Variants in WDFY3 observed in about 807,000 individuals in gnomAD.
WDFY3 encodes WD repeat and FYVE domain-containing protein 3.
In WDFY3, 66 loss-of-function variants were observed where a neutral mutation model predicts 409.6. That is an observed-to-expected ratio of 0.16 (90% confidence interval 0.13 to 0.20). The LOEUF (loss-of-function observed/expected upper bound fraction) is 0.20, where lower values mean the gene tolerates loss of function less well. Among genes scored for constraint, WDFY3 ranks in the 10% least tolerant of loss-of-function variants. The pLI, the probability that WDFY3 is intolerant of heterozygous loss-of-function variation, is 1.00. For synonymous variants in WDFY3, 1,521 were observed against 1,537.1 expected (o/e 0.99, Z 0.25); for missense variants, 3,031 against 4,298.1 (o/e 0.71, Z 8.24).
intron 56 of WDFY3, among the ~76,000 whole-genome samples, chr4:84,698,907 C>T (rs1460409414): frequency 4.6e-5 from 7 of 152,100 alleles, no homozygotes; most frequent in Non-Finnish European, 8.8e-5. Context: ...AGGCTGGTCT[C>T]GAATTCTTGG....
chr4:84,825,050 T>C (rs1754653332), intron 10 of WDFY3, among the ~76,000 whole-genome samples: 1 of 152,192 alleles, frequency 6.6e-6, no homozygotes, highest in African/African-American at 2.4e-5. Flanking sequence ...AGACATTATG[T>C]CACTGGATTC....
Position 84,836,990 on chromosome 4 carries a change from C to G in WDFY3, c.515G>C (p.Gly172Ala), listed in dbSNP as rs1756665041. The G allele has an allele frequency of 6.2e-7, 1 of 1,601,102 alleles. No homozygotes were observed. Among genetic ancestry groups the G allele is most frequent in the African/African-American group, 1.3e-5 (1 of 74,688 alleles). Residue 172 changes from glycine (G) to alanine (A), a missense_variant, in exon 7 of 68, where the codon GGT (glycine) becomes GCT (alanine). By Grantham distance (60) the Gly-to-Ala change is moderately conservative (BLOSUM62 0). Transcript: ENST00000295888. Reference sequence around the variant, plus strand: ...TGCTAGAGGTAGCTCATTCTGTGCACCTCCAACTGCCTCAGGCACATGTGG... The same window carrying G: ...TGCTAGAGGTAGCTCATTCTGTGCAGCTCCAACTGCCTCAGGCACATGTGG... ...DLPHVPEAVGGAQNELPLAER... is the reference protein window; with the variant it reads ...DLPHVPEAVGAAQNELPLAER...
intron 3 of WDFY3, among the ~76,000 whole-genome samples, chr4:84,862,573 A>C (rs1438075164): frequency 6.6e-6 from 1 of 152,256 alleles, no homozygotes; most frequent in Non-Finnish European, 1.5e-5. Flanking sequence ...TTTATAAATT[A>C]GCTAACATTT....
At chr4:84,812,348 T>TGCAC (rs1230742415) in intron 13 of WDFY3, among the ~76,000 whole-genome samples, 1 of 152,052 alleles carries the variant, frequency 6.6e-6, no homozygotes, top group Non-Finnish European at 1.5e-5. Flanking sequence ...TGTATGCGCA[T>TGCAC]GCACGCACAC....
At chr4:84,847,486 G>A (rs375581307) in intron 5 of WDFY3, among the ~76,000 whole-genome samples, 28 of 151,370 alleles carry the variant, frequency 1.8e-4, no homozygotes, top group African/African-American at 5.3e-4. Flanking sequence ...ACAAGAAACC[G>A]CCGGGCGCAG....
chr4:84,916,012 G>T (rs186275924), intron 2 of WDFY3, among the ~76,000 whole-genome samples: 6 of 152,044 alleles, frequency 3.9e-5, no homozygotes, highest in African/African-American at 1.4e-4. Flanking sequence ...CTAATCCACC[G>T]AAGTAGAACC....
At chr4:84,722,859 C>T (rs1735062854) in intron 46 of WDFY3, among the ~76,000 whole-genome samples, 1 of 152,144 alleles carries the variant, frequency 6.6e-6, no homozygotes, top group African/African-American at 2.4e-5. Flanking sequence ...TGAGAAGAGC[C>T]TTGTTTTCAT....
chr4:84,936,889 T>C (rs1771486564), intron 1 of WDFY3, among the ~76,000 whole-genome samples: 2 of 152,086 alleles, frequency 1.3e-5, no homozygotes, highest in African/African-American at 2.4e-5. Flanking sequence ...TACTAGATGT[T>C]ACATGCCTAG....
chr4:84,959,965 A>T (rs1237872688), intron 1 of WDFY3, among the ~76,000 whole-genome samples: 2 of 152,224 alleles, frequency 1.3e-5, no homozygotes, highest in African/African-American at 4.8e-5. Context: ...TCTGGGGATG[A>T]GTTCAAAGAT....
intron 3 of WDFY3, among the ~76,000 whole-genome samples, chr4:84,872,089 A>G (rs1762203627): frequency 6.6e-6 from 1 of 152,190 alleles, no homozygotes; most frequent in Non-Finnish European, 1.5e-5. Flanking sequence ...AGAAACCTGC[A>G]GTATACCTCA....
chr4:84,698,654 C>T (rs991758163), intron 56 of WDFY3, among the ~76,000 whole-genome samples: 5 of 151,988 alleles, frequency 3.3e-5, no homozygotes, highest in South Asian at 4.2e-4. Flanking sequence ...TATTACTTAT[C>T]TCATAGCAAG....
chr4:84,699,970 A>T (rs1264296623), intron 56 of WDFY3, among the ~76,000 whole-genome samples: 2 of 151,456 alleles, frequency 1.3e-5, no homozygotes, highest in Non-Finnish European at 2.9e-5. Flanking sequence ...CTTATTAGAT[A>T]TATTATTTGC....
intron 3 of WDFY3, among the ~76,000 whole-genome samples, chr4:84,879,806 G>C (rs1763251856): frequency 6.6e-6 from 1 of 152,064 alleles, no homozygotes; most frequent in African/African-American, 2.4e-5. Flanking sequence ...CAACCCAATA[G>C]AAAAATGAAC....
intron 5 of WDFY3, among the ~76,000 whole-genome samples, chr4:84,846,185 A>G (rs1370905499): frequency 6.6e-6 from 1 of 152,116 alleles, no homozygotes; most frequent in African/African-American, 2.4e-5. Context: ...TTCAAAGGTT[A>G]ATGAATTTCA....
chr4:84,839,920 CAG>C (rs1431409642), intron 6 of WDFY3, among the ~76,000 whole-genome samples: 1 of 151,642 alleles, frequency 6.6e-6, no homozygotes, highest in Non-Finnish European at 1.5e-5. Context: ...AAAAAGAAAA[CAG>C]ATCATTCCGA....
intron 39 of WDFY3, 165 bp from the exon 40 acceptor site, chr4:84,739,284 T>A: frequency 1.6e-6 from 1 of 610,900 alleles, no homozygotes; most frequent in South Asian, 2.2e-5. Flanking sequence ...TTTTAAGAGG[T>A]GATCAAATAA....
At chr4:84,909,343 C>T (rs919984611) in intron 2 of WDFY3, among the ~76,000 whole-genome samples, 1 of 151,916 alleles carries the variant, frequency 6.6e-6, no homozygotes, top group Non-Finnish European at 1.5e-5. Context: ...AATATTTATA[C>T]TTCATAATTC....
intron 7 of WDFY3, among the ~76,000 whole-genome samples, chr4:84,834,079 G>C (rs530520307): frequency 5.3e-5 from 8 of 152,266 alleles, no homozygotes; most frequent in African/African-American, 1.9e-4. Context: ...TCTCAGAGGG[G>C]TGTATTAGTG....
rs1214252152 is a variant in WDFY3, at chr4:84,718,485, A to T, written c.7691T>A (p.Val2564Glu). 6.2e-7 allele frequency: 1 copy of T among 1,614,040 alleles called. No individual in the cohort carries two copies. The highest frequency in any genetic ancestry group is 1.3e-5 in the African/African-American group (1 of 75,030). ...LLLFGKEHFYVIDGFTMTATR... is the reference protein window; with the variant it reads ...LLLFGKEHFYEIDGFTMTATR... ...TGCTGTCATGGTAAATCCATCAATC[A>T]CATAAAAATGCTCTTTACCAAAAAG... is the stretch of plus-strand genomic sequence containing the variant. The change falls in exon 48 of 68, where the codon GTG (valine) becomes GAG (glutamate). Residue 2564 changes from valine to glutamate, a missense_variant. By Grantham distance (121) the Val-to-Glu change is moderately radical. Around this residue, in one of 16 missense-constraint regions of WDFY3, gnomAD observed 40 missense variants for 54.2 expected, o/e 0.74. Coordinates refer to ENST00000295888, the MANE Select transcript of WDFY3 (RefSeq NM_014991.6).
Sources: allele counts gnomAD v4.1 joint callset (sites outside exome capture counted in the v4.1 genomes callset), GRCh38; gene constraint gnomAD v4.1.1; regional missense constraint gnomAD v4.1.1; transcripts MANE v1.5; gene names NCBI Gene and HGNC (gene_info 2026-07-23, HGNC 2026-07-21).